ZPBP: variants seen among roughly 807,000 people sequenced by gnomAD.
The protein encoded by ZPBP is zona pellucida binding protein, also known as zona pellucida-binding protein 1.
In ZPBP, 26 loss-of-function variants were observed where a neutral mutation model predicts 44.8. The observed-to-expected ratio is 0.58, with a 90% CI of 0.43 to 0.81. The LOEUF is 0.81. ZPBP is among the 30% of genes least tolerant of loss of function. The pLI is 0.00. For missense variants in ZPBP, 409 were observed against 434.0 expected (o/e 0.94, Z 0.51); for synonymous variants, 174 against 153.2 (o/e 1.14, Z -1.00).
intron 5 of ZPBP, among the ~76,000 whole-genome samples, chr7:50,022,177 AC>A (rs1799133247): frequency 6.6e-6 from 1 of 152,176 alleles, no homozygotes; most frequent in African/African-American, 2.4e-5. Context: ...GTTACTACAA[AC>A]AAAAAAAGAA....
chr7:50,074,075 G>A lies in ZPBP; in HGVS notation c.334+7699C>T, dbSNP rs1320210102. On this transcript the variant is annotated intron_variant, in intron 3 of 7. Coordinates refer to ENST00000046087, the MANE Select transcript of ZPBP (RefSeq NM_007009.3). ...AATCAAAAATAGTAACTACAGCAAC[G>A]TTTCAAGACATAGTCAATACAATAA... Among the ~76,000 whole-genome samples, 6 of 152,090 alleles carry A rather than the reference G, an allele frequency of 3.9e-5. No individual in the cohort carries two copies. The South Asian group carries it at 8.3e-4, about 21-fold the overall frequency.
intron 1 of ZPBP, among the ~76,000 whole-genome samples, chr7:49,909,916 C>T (rs1793314025): frequency 6.6e-6 from 1 of 151,776 alleles, no homozygotes; most frequent in Non-Finnish European, 1.5e-5. Context: ...CCAGCCTGGG[C>T]AACATAGAAA....
chr7:50,034,093 C>T (rs1799722658), intron 4 of ZPBP, among the ~76,000 whole-genome samples: 1 of 151,730 alleles, frequency 6.6e-6, no homozygotes, highest in African/African-American at 2.4e-5. Context: ...AAATAGGTGA[C>T]CAGAGAGAGA....
At chr7:49,872,751 C>CAA (rs34987652) in intron 2 of ZPBP, among the ~76,000 whole-genome samples, 1,242 of 122,050 alleles carry the variant, frequency 0.01, 23 homozygotes, top group African/African-American at 0.03. Flanking sequence ...ACAAAAAATA[C>CAA]AAAAAAAAAA....
chr7:49,912,547 C>T (rs1793513192), intron 1 of ZPBP: 1 of 167,188 alleles, frequency 6.0e-6, no homozygotes, highest in Admixed American at 6.1e-5. Flanking sequence ...ACCGTCCTCA[C>T]CGTGTACCTG....
intron 7 of ZPBP, among the ~76,000 whole-genome samples, chr7:49,964,263 T>C (rs998266397): frequency 1.3e-5 from 2 of 151,990 alleles, no homozygotes; most frequent in Non-Finnish European, 2.9e-5. Context: ...TCACAATTTA[T>C]ATTAAATATT....
intron 7 of ZPBP, chr7:49,944,151 C>T (rs1380412477): frequency 1.1e-5 from 3 of 273,006 alleles, no homozygotes; most frequent in Non-Finnish European, 2.2e-5. Flanking sequence ...TCCACTTCCT[C>T]TTGAAGTTTT....
intron 3 of ZPBP, among the ~76,000 whole-genome samples, chr7:50,065,309 G>C (rs1801445590): frequency 6.6e-6 from 1 of 150,952 alleles, no homozygotes; most frequent in South Asian, 2.1e-4. Flanking sequence ...ATACAGGCCA[G>C]AGGGTGCCTT....
At chr7:50,082,075 T>C (rs748364208) in intron 2 of ZPBP, among the ~76,000 whole-genome samples, 176 bp from the exon 3 acceptor site, 3 of 151,904 alleles carry the variant, frequency 2.0e-5, no homozygotes, top group Non-Finnish European at 2.9e-5. Context: ...ATTAAAAATA[T>C]ATTATGTATT....
intron 6 of ZPBP, among the ~76,000 whole-genome samples, chr7:49,991,894 G>T (rs1797591090): frequency 6.6e-6 from 1 of 151,838 alleles, no homozygotes; most frequent in Non-Finnish European, 1.5e-5. Context: ...CAGTAAGAGA[G>T]GGTGGGAGAA....
chr7:50,017,273 C>T (rs1433398398), intron 6 of ZPBP, among the ~76,000 whole-genome samples: 1 of 152,066 alleles, frequency 6.6e-6, no homozygotes, highest in Non-Finnish European at 1.5e-5. Context: ...AATCTAGATC[C>T]CTCACATGCA....
chr7:49,864,822 G>C (rs1410313057), intron 2 of ZPBP, among the ~76,000 whole-genome samples: 1 of 152,212 alleles, frequency 6.6e-6, no homozygotes, highest in Non-Finnish European at 1.5e-5. Context: ...GGTGAAGCAA[G>C]GACAATCAAG....
chr7:49,925,312 A>G (rs1027103267), intron 1 of ZPBP, among the ~76,000 whole-genome samples: 9 of 152,254 alleles, frequency 5.9e-5, no homozygotes, highest in African/African-American at 2.2e-4. Context: ...GACAGGGGCC[A>G]GATGGCACTA....
intron 1 of ZPBP, among the ~76,000 whole-genome samples, chr7:49,905,149 T>C (rs776932890): frequency 7.2e-5 from 11 of 152,214 alleles, no homozygotes; most frequent in Non-Finnish European, 1.3e-4. Flanking sequence ...TACAGCTTAT[T>C]TGAAACATAA....
At chr7:49,906,093 C>T (rs1440698453) in intron 1 of ZPBP, among the ~76,000 whole-genome samples, 1 of 152,150 alleles carries the variant, frequency 6.6e-6, no homozygotes, top group Non-Finnish European at 1.5e-5. Context: ...CAGTGGCCCT[C>T]AGGGCTGCTT....
intron 6 of ZPBP, among the ~76,000 whole-genome samples, chr7:49,999,007 T>C (rs13229373): frequency 0.51 from 76,771 of 151,826 alleles, 20,258 homozygotes; most frequent in East Asian, 0.69. Flanking sequence ...AAGCTCATCA[T>C]AGCATTTTTG....
At chr7:49,849,335 G>T (rs192693912), downstream of ZPBP, among the ~76,000 whole-genome samples, 1 of 152,294 alleles carries the variant, frequency 6.6e-6, no homozygotes, top group African/African-American at 2.4e-5. Flanking sequence ...TGAACTGGCT[G>T]GGGGCAGCAC....
chr7:50,055,953 T>C (rs1280791171), intron 4 of ZPBP, among the ~76,000 whole-genome samples: 1 of 152,162 alleles, frequency 6.6e-6, no homozygotes, highest in Non-Finnish European at 1.5e-5. Flanking sequence ...GATTAAAAGG[T>C]TTAAACAAAT....
chr7:50,014,232 C>T (rs1439414778), intron 6 of ZPBP, among the ~76,000 whole-genome samples: 1 of 151,964 alleles, frequency 6.6e-6, no homozygotes, highest in Non-Finnish European at 1.5e-5. Context: ...CCAAGCAGTC[C>T]TTTTTGAGAA....
Sources: gnomAD v4.1 joint callset for allele counts (sites outside exome capture counted in the v4.1 genomes callset) on GRCh38, gnomAD v4.1.1 for gene constraint, MANE v1.5 for transcripts, NCBI Gene and HGNC (gene_info 2026-07-23, HGNC 2026-07-21) for gene names.